SORBS2: variants seen among roughly 807,000 people sequenced by gnomAD.
SORBS2 encodes sorbin and SH3 domain-containing protein 2.
A neutral mutation model predicts 97.7 loss-of-function variants in SORBS2; 46 were observed. The ratio of observed to expected loss-of-function variants is 0.47; its 90% confidence interval spans 0.37 to 0.60. The LOEUF is 0.60. Among genes scored for constraint, SORBS2 ranks in the 20% least tolerant of loss-of-function variants. The pLI is 0.00. For synonymous variants in SORBS2, 476 were observed against 473.4 expected, an observed-to-expected ratio of 1.01 and a Z score of -0.07; for missense variants, 1,316 against 1,282.3, an observed-to-expected ratio of 1.03 and a Z score of -0.40.
At chr4:185,633,723 AT>A (rs11461968) in intron 4 of SORBS2, among the ~76,000 whole-genome samples, 1 of 150,938 alleles carries the variant, frequency 6.6e-6, no homozygotes. Flanking sequence ...AGAGAGATAT[AT>A]TTTTTTTTCT....
At chr4:185,879,367 G>A (rs1290494426) in intron 1 of SORBS2, among the ~76,000 whole-genome samples, 1 of 151,986 alleles carries the variant, frequency 6.6e-6, no homozygotes, top group Non-Finnish European at 1.5e-5. Flanking sequence ...TTTTATGGCT[G>A]CATAGTATTC....
intron 1 of SORBS2, among the ~76,000 whole-genome samples, chr4:185,823,152 A>T (rs1215329837): frequency 6.6e-6 from 1 of 152,160 alleles, no homozygotes. Context: ...CAGTGATGTG[A>T]CCATACCTTC....
chr4:185,922,925 C>T (rs945208324), intron 1 of SORBS2, among the ~76,000 whole-genome samples: 3 of 152,150 alleles, frequency 2.0e-5, no homozygotes, highest in Non-Finnish European at 4.4e-5. Context: ...AAATTCATAT[C>T]GTTTGACTCC....
At chr4:185,769,494 T>A (rs2098956773) in intron 2 of SORBS2, among the ~76,000 whole-genome samples, 1 of 152,156 alleles carries the variant, frequency 6.6e-6, no homozygotes. Context: ...TAGAAAATAC[T>A]ACTATTTTTG....
intron 2 of SORBS2, among the ~76,000 whole-genome samples, chr4:185,708,679 T>G (rs113908810): frequency 6.6e-6 from 1 of 152,352 alleles, no homozygotes; most frequent in African/African-American, 2.4e-5. Context: ...TGCCTCCATT[T>G]TACCCCTTCC....
At chr4:185,703,939 CTAGGT>C in intron 2 of SORBS2, among the ~76,000 whole-genome samples, 3 of 152,200 alleles carry the variant, frequency 2.0e-5, no homozygotes, top group Non-Finnish European at 4.4e-5. Flanking sequence ...CAGATTAACT[CTAGGT>C]CAAGGCAATA....
At chr4:185,729,527 G>T (rs1365967128) in intron 2 of SORBS2, among the ~76,000 whole-genome samples, 1 of 152,240 alleles carries the variant, frequency 6.6e-6, no homozygotes, top group Non-Finnish European at 1.5e-5. Flanking sequence ...CAGTTCTGTA[G>T]CCACGTGGAT....
chr4:185,611,746 A>C lies in SORBS2; in HGVS notation c.2796+34T>G, dbSNP rs181934838. The C allele has an allele frequency of 4.5e-6, 7 of 1,546,084 alleles. No homozygotes were observed. In the Admixed American group the frequency reaches 1.2e-4, roughly 26 times the overall value. On this transcript the variant is annotated intron_variant, in intron 12 of 14. Coordinates refer to ENST00000418609, the Ensembl canonical transcript of SORBS2. ...ACCGATTATCTTACTTGGAGCTTCC[A>C]ATATTACATTAACATGATAGAGTAT...
At chr4:185,738,111 C>T (rs189569726) in intron 2 of SORBS2, among the ~76,000 whole-genome samples, 70 of 152,336 alleles carry the variant, frequency 4.6e-4, no homozygotes, top group African/African-American at 1.3e-3. Flanking sequence ...CCAAGTCAAT[C>T]GAGACAGCCT....
chr4:185,872,302 G>T (rs145741155), intron 1 of SORBS2, among the ~76,000 whole-genome samples: 1 of 152,146 alleles, frequency 6.6e-6, no homozygotes, highest in Non-Finnish European at 1.5e-5. Context: ...TTATAGCTTT[G>T]AGGATCTAAT....
intron 1 of SORBS2, among the ~76,000 whole-genome samples, chr4:185,912,543 C>A (rs2099255807): frequency 7.2e-6 from 1 of 138,070 alleles, no homozygotes; most frequent in Non-Finnish European, 1.5e-5. Context: ...CGAGATCATG[C>A]CACTGCACTG....
At chr4:185,599,545 T>C (rs151168211) in intron 12 of SORBS2, among the ~76,000 whole-genome samples, 279 of 152,150 alleles carry the variant, frequency 1.8e-3, no homozygotes, top group African/African-American at 6.5e-3. Context: ...TAGACAAGAA[T>C]CATGGATTTA....
At chr4:185,877,443 A>C (rs2099234239) in intron 1 of SORBS2, among the ~76,000 whole-genome samples, 1 of 152,258 alleles carries the variant, frequency 6.6e-6, no homozygotes, top group Non-Finnish European at 1.5e-5. Flanking sequence ...TTCAGAGTAC[A>C]CAAGCAATCA....
intron 4 of SORBS2, among the ~76,000 whole-genome samples, chr4:185,635,119 G>A (rs1444573788): frequency 6.6e-6 from 1 of 152,158 alleles, no homozygotes; most frequent in African/African-American, 2.4e-5. Context: ...ACATAGAATA[G>A]TATAACTAGC....
upstream of SORBS2, among the ~76,000 whole-genome samples, chr4:185,661,472 T>A (rs1252747882): frequency 6.6e-6 from 1 of 152,170 alleles, no homozygotes; most frequent in East Asian, 1.9e-4. Flanking sequence ...GGAGGAGAGC[T>A]CTATCTTTCA....
intron 1 of SORBS2, among the ~76,000 whole-genome samples, chr4:185,780,613 C>T (rs577907848): frequency 6.6e-6 from 1 of 152,360 alleles, no homozygotes; most frequent in South Asian, 2.1e-4. Context: ...TAAACCTATG[C>T]TTTCTCTTGG....
intron 2 of SORBS2, among the ~76,000 whole-genome samples, chr4:185,751,190 A>AAAAAAAAAAAAAAAGAG: frequency 1.2e-5 from 1 of 86,420 alleles, no homozygotes; most frequent in Non-Finnish European, 2.5e-5. Context: ...AAAAAAAAAA[A>AAAAAAAAAAAAAAAGAG]AGAGAAAGAG....
intron 4 of SORBS2, among the ~76,000 whole-genome samples, chr4:185,670,695 T>TA (rs1276414947): frequency 1.3e-5 from 2 of 151,824 alleles, no homozygotes; most frequent in East Asian, 1.9e-4. Flanking sequence ...GAAGGGGTTT[T>TA]AAAAAAACCA....
At chr4:185,783,231 G>A (rs1461777671) in intron 1 of SORBS2, among the ~76,000 whole-genome samples, 1 of 152,188 alleles carries the variant, frequency 6.6e-6, no homozygotes, top group African/African-American at 2.4e-5. Context: ...AAGTACATGA[G>A]AAAAACTTCC....
Sources: gnomAD v4.1 joint callset for allele counts (sites outside exome capture counted in the v4.1 genomes callset) on GRCh38, gnomAD v4.1.1 for gene constraint, MANE v1.5 for transcripts, NCBI Gene and HGNC (gene_info 2026-07-23, HGNC 2026-07-21) for gene names.